TCF4: variants seen among roughly 807,000 people sequenced by gnomAD.
The protein encoded by TCF4 is SL3-3 enhancer factor 2.
Under a neutral mutation model 82.1 loss-of-function variants are expected in TCF4, and 3 were observed. The ratio of observed to expected loss-of-function variants is 0.04; its 90% CI spans 0.02 to 0.09. The LOEUF (loss-of-function observed/expected upper bound fraction) is 0.09, where lower values mean the gene tolerates loss of function less well. TCF4 is among the 10% of genes least tolerant of loss of function. TCF4 has a pLI of 1.00. For missense variants in TCF4, 518 were observed against 852.7 expected, an observed-to-expected ratio of 0.61 and a Z score of 4.89; for synonymous variants, 276 against 309.6, an observed-to-expected ratio of 0.89 and a Z score of 1.14.
At chr18:55,604,160 CTAGA>C (rs1418567103) in intron 2 of TCF4, among the ~76,000 whole-genome samples, 4 of 152,106 alleles carry the variant, frequency 2.6e-5, no homozygotes, top group African/African-American at 9.7e-5. Flanking sequence ...TTTAAAAGCA[CTAGA>C]TATAGATTCT....
At chr18:55,368,289 G>A (rs1275105178) in intron 6 of TCF4, among the ~76,000 whole-genome samples, 2 of 152,186 alleles carry the variant, frequency 1.3e-5, no homozygotes, top group Non-Finnish European at 2.9e-5. Context: ...GCTGAGACAG[G>A]AGAATCACTT....
intron 3 of TCF4, among the ~76,000 whole-genome samples, chr18:55,466,482 G>A (rs932647692): frequency 2.6e-5 from 4 of 152,080 alleles, no homozygotes; most frequent in Non-Finnish European, 4.4e-5. Flanking sequence ...AGGCAACTGA[G>A]TGAGACCCTG....
At chr18:55,351,259 A>G in intron 6 of TCF4, 1 of 428,536 alleles carries the variant, frequency 2.3e-6, no homozygotes, top group South Asian at 2.4e-5. Flanking sequence ...GTCTTTTAAG[A>G]TGACTCACGT....
chr18:55,495,331 T>C (rs1356187192), intron 3 of TCF4, among the ~76,000 whole-genome samples: 2 of 150,160 alleles, frequency 1.3e-5, no homozygotes, highest in Non-Finnish European at 3.0e-5. Context: ...AAAAAGAAGG[T>C]ATTTGAGATA....
intron 5 of TCF4, chr18:55,422,587 C>T (rs958327685): frequency 1.7e-5 from 8 of 479,546 alleles, no homozygotes; most frequent in Non-Finnish European, 2.2e-5. Flanking sequence ...GTTAAAGACT[C>T]CCTACCATTA....
At position 55,234,722 on chromosome 18, in the gene TCF4, C is replaced by A. The variant is rs76818497; in HGVS notation, c.1351-39G>T. 1.6e-4 allele frequency: 254 copies of A among 1,613,428 alleles called. No individual in the cohort carries two copies. In the African/African-American group the frequency reaches 2.7e-3, roughly 17 times the overall value. On this transcript the variant is annotated intron_variant, in intron 15 of 19. Transcript: ENST00000354452. ...AGGAACCAGAGAGGTGAGCAGGAAC[C>A]GGAGGTGCGACAGCTATTTCCAGAG...
At chr18:55,284,188 G>T (rs1037603195) in intron 8 of TCF4, 1 of 152,026 alleles carries the variant, frequency 6.6e-6, no homozygotes, top group Non-Finnish European at 1.5e-5. Flanking sequence ...TGAGGTGGGT[G>T]GATAACGAAG....
chr18:55,623,894 G>C lies in TCF4; in HGVS notation c.286+7404C>G, dbSNP rs144367636. Among the ~76,000 whole-genome samples the C allele has an allele frequency of 4.3e-3, 651 of 152,198 alleles. 4 individuals are homozygous for C. The highest frequency in any genetic ancestry group is 0.015 in the African/African-American group (624 of 41,532). ...AGAGAGATTTCCAGAACTTATGAGA[G>C]AGATTTTAAACATCTATTCAGAGGA... On this transcript the variant is annotated intron_variant, in intron 2 of 20. Transcript: ENST00000398339.
At chr18:55,431,741 C>T (rs774928468) in intron 5 of TCF4, among the ~76,000 whole-genome samples, 103 of 152,268 alleles carry the variant, frequency 6.8e-4, no homozygotes, top group Non-Finnish European at 1.2e-3. Context: ...GGAGATGAAG[C>T]GTTAAGACTG....
intron 2 of TCF4, among the ~76,000 whole-genome samples, chr18:55,625,194 C>T (rs1461853684): frequency 6.6e-6 from 1 of 151,336 alleles, no homozygotes; most frequent in East Asian, 1.9e-4. Context: ...TACAGTTATA[C>T]AAATGTTAAT....
At chr18:55,368,082 G>GA (rs1157352217) in intron 6 of TCF4, among the ~76,000 whole-genome samples, 1 of 152,154 alleles carries the variant, frequency 6.6e-6, no homozygotes, top group Admixed American at 6.6e-5. Context: ...GATTACCCAT[G>GA]AAAAAACCTC....
At chr18:55,243,572 C>T (rs1180858276) in intron 15 of TCF4, among the ~76,000 whole-genome samples, 1 of 150,278 alleles carries the variant, frequency 6.7e-6, no homozygotes, top group Non-Finnish European at 1.5e-5. Context: ...GGAAAAATAC[C>T]TATATCCAAC....
chr18:55,355,665 C>A (rs149728681), intron 6 of TCF4, among the ~76,000 whole-genome samples: 3,451 of 152,178 alleles, frequency 0.023, 65 homozygotes, highest in Non-Finnish European at 0.035. Context: ...AAGAGTACAC[C>A]TTTATAATTT....
chr18:55,351,064 C>A, intron 6 of TCF4, 61 bp from the exon 7 acceptor site: 1 of 1,601,396 alleles, frequency 6.2e-7, no homozygotes, highest in Non-Finnish European at 8.5e-7. Context: ...CACCACCTCC[C>A]AACTGATTGT....
intron 13 of TCF4, 86 bp from the exon 14 acceptor site, chr18:55,257,477 G>T: frequency 8.1e-7 from 1 of 1,238,492 alleles, no homozygotes; most frequent in Non-Finnish European, 1.2e-6. Context: ...TTTGGAAATG[G>T]CAATGGCAAT....
intron 8 of TCF4, among the ~76,000 whole-genome samples, chr18:55,297,323 C>G (rs2066845487): frequency 6.6e-6 from 1 of 151,808 alleles, no homozygotes; most frequent in Admixed American, 6.6e-5. Flanking sequence ...ATAATTCTTT[C>G]ATTGGCAGGC....
chr18:55,272,634 T>A (rs1022469243), intron 10 of TCF4, among the ~76,000 whole-genome samples: 2 of 152,088 alleles, frequency 1.3e-5, no homozygotes, highest in Non-Finnish European at 2.9e-5. Flanking sequence ...AAGAATAAAA[T>A]CATGCTTTGG....
intron 3 of TCF4, among the ~76,000 whole-genome samples, chr18:55,542,718 CACTA>C (rs1203959301): frequency 1.3e-5 from 2 of 151,916 alleles, no homozygotes; most frequent in East Asian, 1.9e-4. Flanking sequence ...ATCATGTCCA[CACTA>C]ACTAAATATA....
At chr18:55,591,812 C>T (rs1177855645), upstream of TCF4, among the ~76,000 whole-genome samples, 1 of 152,186 alleles carries the variant, frequency 6.6e-6, no homozygotes, top group Non-Finnish European at 1.5e-5. Context: ...CCACTGCACC[C>T]AGCCCCCTTC....
Sources: allele counts gnomAD v4.1 joint callset (sites outside exome capture counted in the v4.1 genomes callset), GRCh38; gene constraint gnomAD v4.1.1; transcripts MANE v1.5; gene names NCBI Gene and HGNC (gene_info 2026-07-23, HGNC 2026-07-21).